Variants in DENND5B observed in about 807,000 individuals in gnomAD.
DENND5B encodes the protein DENN domain-containing protein 5B.
In DENND5B, 34 loss-of-function variants were observed where a neutral mutation model predicts 140.6. That is an observed-to-expected ratio of 0.24 (90% CI 0.18 to 0.32). The LOEUF (loss-of-function observed/expected upper bound fraction) is 0.32, where lower values mean the gene tolerates loss of function less well. Among genes scored for constraint, DENND5B ranks in the 10% least tolerant of loss-of-function variants. DENND5B has a pLI of 1.00. For synonymous variants in DENND5B, 551 were observed against 562.1 expected (o/e 0.98, Z 0.28); for missense variants, 1,142 against 1,560.2 (o/e 0.73, Z 4.52).
At chr12:31,527,705 G>C (rs1948135205) in intron 1 of DENND5B, among the ~76,000 whole-genome samples, 1 of 152,120 alleles carries the variant, frequency 6.6e-6, no homozygotes, top group Non-Finnish European at 1.5e-5. Context: ...TTGAACCCGG[G>C]AGGTGGAGGT....
At chr12:31,561,619 T>C (rs1949477809) in intron 1 of DENND5B, among the ~76,000 whole-genome samples, 2 of 152,194 alleles carry the variant, frequency 1.3e-5, no homozygotes, top group South Asian at 4.1e-4. Context: ...CAATTTATAG[T>C]AAAGAGGACT....
At chr12:31,448,873 C>A (rs1342063965) in intron 5 of DENND5B, among the ~76,000 whole-genome samples, 1 of 152,174 alleles carries the variant, frequency 6.6e-6, no homozygotes, top group East Asian at 1.9e-4. Context: ...AAAAACAAAT[C>A]ATTGCCTGAA....
chr12:31,568,191 T>C (rs1345433652), intron 1 of DENND5B, among the ~76,000 whole-genome samples: 2 of 152,232 alleles, frequency 1.3e-5, no homozygotes, highest in Non-Finnish European at 2.9e-5. Flanking sequence ...TCATTTAAAA[T>C]ACTGTATAAA....
In DENND5B at chr12:31,382,691, C is replaced by T. The variant is rs752376094; in HGVS notation, c.*4912G>A. 9.9e-5 allele frequency: 15 copies of T among 151,400 alleles called. 1 individual carries two copies. In the South Asian group the frequency reaches 1.5e-3, roughly 15 times the overall value. 9.4% of individuals were successfully genotyped at this position (151,400 alleles called of 1,614,324 possible). On this transcript the variant is annotated 3_prime_UTR_variant, in exon 21 of 21. Transcript: ENST00000389082. The stretch of plus-strand genomic sequence containing the variant: ...AACCCAAGGATACCCTGGATCCCTT[C>T]GAATGAGGAAAAATTTTATTTGAGG...
chr12:31,530,299 G>A (rs185301127), intron 1 of DENND5B, among the ~76,000 whole-genome samples: 1 of 152,318 alleles, frequency 6.6e-6, no homozygotes, highest in Admixed American at 6.5e-5. Context: ...CTTGAACCCA[G>A]GAGGTGGAGG....
chr12:31,391,549 C>T (rs1350161798), intron 19 of DENND5B, among the ~76,000 whole-genome samples: 1 of 152,162 alleles, frequency 6.6e-6, no homozygotes, highest in Non-Finnish European at 1.5e-5. Flanking sequence ...GTTTTGTTTA[C>T]TAATGTATAT....
chr12:31,590,489 G>A (rs538895742), intron 1 of DENND5B: 1 of 507,012 alleles, frequency 2.0e-6, no homozygotes, highest in Non-Finnish European at 3.2e-6. Flanking sequence ...CCAGCGCCTG[G>A]AGGCGAAAGC....
At chr12:31,440,569 A>G (rs570643048) in intron 7 of DENND5B, among the ~76,000 whole-genome samples, 26 of 152,254 alleles carry the variant, frequency 1.7e-4, no homozygotes, top group Admixed American at 3.9e-4. Context: ...TTCTGAATAT[A>G]TAACTTTTCC....
At chr12:31,406,955 C>T (rs1008149584) in intron 14 of DENND5B, among the ~76,000 whole-genome samples, 4 of 150,740 alleles carry the variant, frequency 2.7e-5, no homozygotes, top group African/African-American at 9.8e-5. Flanking sequence ...AGCGCCACCA[C>T]GTCCGGCTAA....
At chr12:31,476,890 T>G (rs1945837897) in intron 3 of DENND5B, among the ~76,000 whole-genome samples, 1 of 152,194 alleles carries the variant, frequency 6.6e-6, no homozygotes, top group African/African-American at 2.4e-5. Context: ...ACTTCAAGAT[T>G]CAAGAAAATG....
intron 3 of DENND5B, among the ~76,000 whole-genome samples, chr12:31,475,352 AT>A (rs1945751897): frequency 1.1e-5 from 1 of 93,728 alleles, no homozygotes; most frequent in Admixed American, 1.4e-4. Flanking sequence ...TTACAAAAAA[AT>A]AGAGTATAAA....
In DENND5B at chr12:31,583,597, A is replaced by G. The variant is rs1440435379; in HGVS notation, c.127+7109T>C. Among the ~76,000 whole-genome samples, 3 of 151,796 alleles carry G rather than the reference A, an allele frequency of 2.0e-5. No individual in the cohort carries two copies. The East Asian group carries it at 5.8e-4, about 30-fold the overall frequency. ...GGAGGCTGAGGCACGAGAATCACTTAAACCTGGGAGGCAGAGGTTGCAGTG... is the reference window on the plus strand; with the variant it reads ...GGAGGCTGAGGCACGAGAATCACTTGAACCTGGGAGGCAGAGGTTGCAGTG... On this transcript the variant is annotated intron_variant, in intron 1 of 20. Transcript: ENST00000389082.
intron 1 of DENND5B, among the ~76,000 whole-genome samples, chr12:31,553,535 T>C (rs1023282900): frequency 1.3e-5 from 2 of 152,234 alleles, no homozygotes; most frequent in East Asian, 1.9e-4. Context: ...AGAATGTATA[T>C]TCTGTTGATT....
At chr12:31,473,092 C>T (rs1339224534) in intron 3 of DENND5B, among the ~76,000 whole-genome samples, 1 of 152,166 alleles carries the variant, frequency 6.6e-6, no homozygotes, top group Non-Finnish European at 1.5e-5. Flanking sequence ...GTGCACACTA[C>T]CATGCCTAGC....
intron 3 of DENND5B, among the ~76,000 whole-genome samples, chr12:31,477,042 C>A (rs1198301238): frequency 1.3e-5 from 2 of 151,990 alleles, no homozygotes; most frequent in Non-Finnish European, 2.9e-5. Context: ...GCCTGACCAA[C>A]ATGGTGAAAA....
chr12:31,423,103 G>T (rs1310994109), intron 11 of DENND5B, among the ~76,000 whole-genome samples: 2 of 151,970 alleles, frequency 1.3e-5, no homozygotes, highest in Non-Finnish European at 2.9e-5. Context: ...ACCACGCCCA[G>T]GTAATTTTTG....
intron 11 of DENND5B, among the ~76,000 whole-genome samples, chr12:31,422,865 G>GAGAT (rs1476988040): frequency 6.6e-6 from 1 of 151,558 alleles, no homozygotes; most frequent in Non-Finnish European, 1.5e-5. Flanking sequence ...AAATTGAAGA[G>GAGAT]AGATTCAACT....
chr12:31,551,146 G>C (rs953976124), intron 1 of DENND5B, among the ~76,000 whole-genome samples: 1 of 152,062 alleles, frequency 6.6e-6, no homozygotes, highest in Non-Finnish European at 1.5e-5. Context: ...CCATGCCTAT[G>C]TCCTGAATGG....
At chr12:31,415,146 T>C (rs1383284232) in intron 12 of DENND5B, among the ~76,000 whole-genome samples, 1 of 152,078 alleles carries the variant, frequency 6.6e-6, no homozygotes, top group African/African-American at 2.4e-5. Context: ...AATTTAGAGA[T>C]GCTTTAAAAC....
Sources: allele counts gnomAD v4.1 joint callset (sites outside exome capture counted in the v4.1 genomes callset), GRCh38; gene constraint gnomAD v4.1.1; transcripts MANE v1.5; gene names NCBI Gene and HGNC (gene_info 2026-07-23, HGNC 2026-07-21).